FRMD3: variants seen among roughly 807,000 people sequenced by gnomAD.
FRMD3 encodes FERM domain-containing protein 3.
In FRMD3, 33 loss-of-function variants were observed where a neutral mutation model predicts 70.2. The ratio of observed to expected loss-of-function variants is 0.47; its 90% CI spans 0.36 to 0.63. The LOEUF is 0.63. Among genes scored for constraint, FRMD3 ranks in the 20% least tolerant of loss-of-function variants. The pLI, the probability that FRMD3 is intolerant of heterozygous loss-of-function variation, is 0.00. For missense variants in FRMD3, 632 were observed against 711.4 expected (o/e 0.89, Z 1.27); for synonymous variants, 279 against 255.9 (o/e 1.09, Z -0.86).
chr9:83,536,328 T>G lies in FRMD3; in HGVS notation c.147+1757A>C, dbSNP rs142351501. On this transcript the variant is annotated intron_variant, in intron 1 of 13. Coordinates refer to ENST00000304195, the MANE Select transcript of FRMD3 (RefSeq NM_174938.6). ...GTCCTTTGGGGAATATTTATTATTC[T>G]AAGGAAGACTTCATCCTGAGGGAGG... 2.5e-3 allele frequency among the ~76,000 whole-genome samples: 385 copies of G among 152,280 alleles called. 2 individuals carry two copies. Among genetic ancestry groups the G allele is most frequent in the Non-Finnish European group, 4.3e-3 (294 of 68,022 alleles).
intron 13 of FRMD3, among the ~76,000 whole-genome samples, chr9:83,284,743 G>A (rs1049373354): frequency 6.6e-6 from 1 of 152,214 alleles, no homozygotes; most frequent in Admixed American, 6.5e-5. Flanking sequence ...TAAGAATAGG[G>A]TAAATTTGTC....
intron 1 of FRMD3, among the ~76,000 whole-genome samples, chr9:83,463,926 CTCAT>C (rs1828046612): frequency 6.6e-6 from 1 of 152,204 alleles, no homozygotes; most frequent in African/African-American, 2.4e-5. Flanking sequence ...GTCACTACAT[CTCAT>C]AAGAATTGAT....
the FRMD3 span, among the ~76,000 whole-genome samples, chr9:83,557,884 GTTGT>G: frequency 6.6e-6 from 1 of 152,180 alleles, no homozygotes; most frequent in South Asian, 2.1e-4. Flanking sequence ...AGTAACACAT[GTTGT>G]TTATTCATAG....
intron 1 of FRMD3, among the ~76,000 whole-genome samples, chr9:83,521,312 T>C (rs1829567146): frequency 6.6e-6 from 1 of 152,022 alleles, no homozygotes; most frequent in African/African-American, 2.4e-5. Context: ...AAACCCCTTC[T>C]CTACAAATAA....
chr9:83,296,308 T>C (rs1280416065), intron 12 of FRMD3, among the ~76,000 whole-genome samples: 3 of 152,104 alleles, frequency 2.0e-5, no homozygotes, highest in African/African-American at 4.8e-5. Context: ...TCTGGGGAGA[T>C]TGAGGTCCCC....
chr9:83,550,605 T>C, the FRMD3 span, among the ~76,000 whole-genome samples: 1 of 152,094 alleles, frequency 6.6e-6, no homozygotes, highest in African/African-American at 2.4e-5. Context: ...CTTGTTTGCA[T>C]CTTCTCTGAT....
chr9:83,548,551 T>C, the FRMD3 span, among the ~76,000 whole-genome samples: 15 of 152,224 alleles, frequency 9.9e-5, no homozygotes, highest in Non-Finnish European at 2.1e-4. Flanking sequence ...AGTAAAAAGA[T>C]TAGTAATTAC....
chr9:83,425,098 A>G (rs1483209023), intron 1 of FRMD3, among the ~76,000 whole-genome samples: 3 of 152,240 alleles, frequency 2.0e-5, no homozygotes, highest in Non-Finnish European at 4.4e-5. Context: ...CCATCTGTCC[A>G]TTAAAAGATT....
At chr9:83,543,704 T>C in the FRMD3 span, among the ~76,000 whole-genome samples, 1 of 152,198 alleles carries the variant, frequency 6.6e-6, no homozygotes, top group Non-Finnish European at 1.5e-5. Flanking sequence ...GAGTGCAGCA[T>C]GCCAAGGGAA....
At chr9:83,514,312 C>T (rs570036181) in intron 1 of FRMD3, among the ~76,000 whole-genome samples, 55 of 152,266 alleles carry the variant, frequency 3.6e-4, no homozygotes, top group African/African-American at 1.3e-3. Flanking sequence ...CTTGACTAGG[C>T]GGTTTTCCCC....
intron 1 of FRMD3, among the ~76,000 whole-genome samples, chr9:83,472,368 GC>G (rs1166984368): frequency 1.3e-5 from 2 of 152,118 alleles, no homozygotes; most frequent in Non-Finnish European, 2.9e-5. Context: ...CGTGAAACAT[GC>G]CCCCAAAGAG....
At chr9:83,351,244 A>C (rs1040716852) in intron 3 of FRMD3, among the ~76,000 whole-genome samples, 1 of 152,056 alleles carries the variant, frequency 6.6e-6, no homozygotes, top group Non-Finnish European at 1.5e-5. Context: ...ACAATTATTA[A>C]AAAGGATTTG....
At chr9:83,449,666 C>A (rs1177998351) in intron 1 of FRMD3, among the ~76,000 whole-genome samples, 1 of 152,198 alleles carries the variant, frequency 6.6e-6, no homozygotes, top group Non-Finnish European at 1.5e-5. Context: ...GTTTGCCAAG[C>A]TCAGCTTTGC....
At chr9:83,435,769 C>A (rs1257190107) in intron 1 of FRMD3, among the ~76,000 whole-genome samples, 6 of 152,108 alleles carry the variant, frequency 3.9e-5, no homozygotes, top group Non-Finnish European at 8.8e-5. Flanking sequence ...TTTTTAGGGG[C>A]TTGTTTCAAA....
intron 1 of FRMD3, among the ~76,000 whole-genome samples, chr9:83,484,518 A>ATGAG (rs1828642013): frequency 6.6e-6 from 1 of 152,242 alleles, no homozygotes; most frequent in South Asian, 2.1e-4. Context: ...CTCAGGTTCA[A>ATGAG]GCCATTCTCG....
Position 83,245,609 on chromosome 9 carries a change from AT to A in FRMD3, c.*2308del, listed in dbSNP as rs999269263. On this transcript the variant is annotated 3_prime_UTR_variant, in exon 14 of 14. Coordinates refer to ENST00000304195, the MANE Select transcript of FRMD3 (RefSeq NM_174938.6). ...TTACATGTGATATTTATACTATCAT[AT>A]TTTTTAAGTATTTTACAATGGAAAA... is the stretch of plus-strand genomic sequence containing the variant. 218 of 814,836 alleles carry A rather than the reference AT, an allele frequency of 2.7e-4. 1 individual carries two copies. The African/African-American group carries it at 3.8e-3, about 14-fold the overall frequency. 50.5% of individuals were successfully genotyped at this position (814,836 alleles called of 1,614,324 possible). A position where few individuals can be genotyped will look rare whatever the true frequency, so the allele number is the denominator to read the frequency against.
intron 3 of FRMD3, among the ~76,000 whole-genome samples, 161 bp downstream of exon 3, chr9:83,372,750 AAG>A (rs1481930590): frequency 2.0e-5 from 3 of 152,054 alleles, no homozygotes; most frequent in African/African-American, 4.8e-5. Flanking sequence ...GTCATAGAAA[AAG>A]AGGGGAGAAA....
chr9:83,397,414 C>T (rs1587814499), intron 1 of FRMD3, among the ~76,000 whole-genome samples: 1 of 152,286 alleles, frequency 6.6e-6, no homozygotes, highest in Non-Finnish European at 1.5e-5. Context: ...ACATCCTCAG[C>T]GGACACAGCT....
At chr9:83,514,700 C>T (rs972105845) in intron 1 of FRMD3, among the ~76,000 whole-genome samples, 4 of 152,136 alleles carry the variant, frequency 2.6e-5, no homozygotes, top group Admixed American at 1.3e-4. Flanking sequence ...GACAGACATC[C>T]CATACAGGAG....
Sources: gnomAD v4.1 joint callset for allele counts (sites outside exome capture counted in the v4.1 genomes callset) on GRCh38, gnomAD v4.1.1 for gene constraint, MANE v1.5 for transcripts, NCBI Gene and HGNC (gene_info 2026-07-23, HGNC 2026-07-21) for gene names.